PDIA6: variants seen among roughly 807,000 people sequenced by gnomAD.
The protein encoded by PDIA6 is protein disulfide isomerase family A member 6.
A neutral mutation model predicts 58.4 loss-of-function variants in PDIA6; 29 were observed. The ratio of observed to expected loss-of-function variants is 0.50; its 90% CI spans 0.37 to 0.68. The LOEUF (loss-of-function observed/expected upper bound fraction) is 0.68, where lower values mean the gene tolerates loss of function less well. Ranked by LOEUF, PDIA6 falls within the 30% of genes least tolerant of loss-of-function variation. The pLI is 0.00. For missense variants in PDIA6, 480 were observed against 551.0 expected, an observed-to-expected ratio of 0.87 and a Z score of 1.29; for synonymous variants, 192 against 202.6, an observed-to-expected ratio of 0.95 and a Z score of 0.44.
At chr2:10,831,741 A>G (rs1026656355) in intron 1 of PDIA6, among the ~76,000 whole-genome samples, 1 of 152,214 alleles carries the variant, frequency 6.6e-6, no homozygotes, top group South Asian at 2.1e-4. Flanking sequence ...GACAGATTCT[A>G]GGGCCTGACA....
At chr2:10,817,593 A>G (rs1049178353), upstream of PDIA6, among the ~76,000 whole-genome samples, 2 of 152,250 alleles carry the variant, frequency 1.3e-5, no homozygotes, top group African/African-American at 4.8e-5. Flanking sequence ...TGGGCGCCCA[A>G]GGCCTTGCCA....
intron 1 of PDIA6, among the ~76,000 whole-genome samples, chr2:10,812,228 AAGT>A (rs1387642477): frequency 2.6e-5 from 4 of 152,124 alleles, no homozygotes; most frequent in Non-Finnish European, 5.9e-5. Flanking sequence ...CAGTTTTTAA[AAGT>A]AGGAGCTGCA....
chr2:10,806,457 T>TG (rs1666750881), intron 1 of PDIA6, among the ~76,000 whole-genome samples: 8 of 118,044 alleles, frequency 6.8e-5, no homozygotes, highest in Non-Finnish European at 1.6e-4. Flanking sequence ...AGCCAAAAAG[T>TG]TAAAAAAAAA....
At chr2:10,804,130 G>A (rs1197283952) in intron 1 of PDIA6, among the ~76,000 whole-genome samples, 29 of 151,652 alleles carry the variant, frequency 1.9e-4, no homozygotes, top group East Asian at 3.9e-4. Flanking sequence ...GGATGGTCTC[G>A]ATCTCCTGAC....
At chr2:10,793,539 T>C (rs1666133680) in intron 4 of PDIA6, among the ~76,000 whole-genome samples, 2 of 152,168 alleles carry the variant, frequency 1.3e-5, no homozygotes, top group South Asian at 2.1e-4. Context: ...AATTTTTGTA[T>C]TTTTAGTAGA....
chr2:10,789,022 T>C lies in PDIA6; in HGVS notation c.841-41A>G, dbSNP rs1287446317. The C allele has an allele frequency of 5.6e-6, 8 of 1,429,798 alleles. No homozygotes were observed. The African/African-American group carries it at 9.8e-5, about 18-fold the overall frequency. 88.6% of individuals were successfully genotyped at this position (1,429,798 alleles called of 1,614,324 possible). A position where few individuals can be genotyped will look rare whatever the true frequency, so the allele number is the denominator to read the frequency against. ...GACAAGGGACAATCAGGAGGCTGCA[T>C]GATACAACACCTAAAGGTAAGCTGG... On this transcript the variant is annotated intron_variant, in intron 8 of 12. Coordinates refer to ENST00000272227, the MANE Select transcript of PDIA6 (RefSeq NM_005742.4).
intron 2 of PDIA6, among the ~76,000 whole-genome samples, chr2:10,798,093 C>A (rs974157664): frequency 2.0e-5 from 3 of 151,130 alleles, no homozygotes; most frequent in Admixed American, 2.0e-4. Flanking sequence ...GGCTGAGGCA[C>A]AAGAATCACG....
At chr2:10,806,628 C>CAAAGAG (rs142782761) in intron 1 of PDIA6, among the ~76,000 whole-genome samples, 2 of 70,424 alleles carry the variant, frequency 2.8e-5, no homozygotes, top group Non-Finnish European at 7.9e-5. Flanking sequence ...AAAATAAAGA[C>CAAAGAG]AGAAAGAAAG....
chr2:10,819,618 G>A (rs1174731128), intron 1 of PDIA6, among the ~76,000 whole-genome samples: 1 of 152,182 alleles, frequency 6.6e-6, no homozygotes, highest in Non-Finnish European at 1.5e-5. Flanking sequence ...ACACTGAGAA[G>A]CTGCCTTGAT....
At chr2:10,837,335 C>A (rs1024665547), upstream of PDIA6, among the ~76,000 whole-genome samples, 4 of 152,186 alleles carry the variant, frequency 2.6e-5, no homozygotes, top group African/African-American at 7.2e-5. Context: ...CGAAACACAG[C>A]ATTTAGTTCC....
chr2:10,788,578 A>AAC (rs1272414471), intron 10 of PDIA6, 119 bp downstream of exon 10: 8 of 731,984 alleles, frequency 1.1e-5, no homozygotes, highest in Middle Eastern at 5.3e-4. Context: ...GAAAAAAAAA[A>AAC]AAAACATATA....
At chr2:10,810,263 A>G in intron 1 of PDIA6, 1 of 1,521,366 alleles carries the variant, frequency 6.6e-7, no homozygotes. Flanking sequence ...ATAATTAGAT[A>G]GACCCAAATT....
At chr2:10,806,260 C>T (rs1444755289) in intron 1 of PDIA6, among the ~76,000 whole-genome samples, 6 of 149,886 alleles carry the variant, frequency 4.0e-5, no homozygotes, top group East Asian at 2.0e-4. Context: ...CCTAGCTACT[C>T]GAGAGGCTGA....
At position 10,802,656 on chromosome 2, in the gene PDIA6, A is replaced by G; in HGVS notation, c.20-16T>C. On this transcript the variant is annotated splice_polypyrimidine_tract_variant and intron_variant, in intron 1 of 12. Transcript: ENST00000272227. The stretch of plus-strand genomic sequence containing the variant: ...CTCACCAGACCTGAAGATAAAAACA[A>G]AAGTGCACCATTAACAGCACTGTTC... 7.1e-7 allele frequency: 1 copy of G among 1,418,074 alleles called. No individual in the cohort carries two copies. Among genetic ancestry groups the G allele is most frequent in the Non-Finnish European group, 9.2e-7 (1 of 1,082,852 alleles). 87.8% of individuals were successfully genotyped at this position (1,418,074 alleles called of 1,614,324 possible). A position where few individuals can be genotyped will look rare whatever the true frequency, so the allele number is the denominator to read the frequency against.
chr2:10,800,302 G>A (rs923326552), intron 2 of PDIA6, among the ~76,000 whole-genome samples: 1 of 152,150 alleles, frequency 6.6e-6, no homozygotes, highest in Non-Finnish European at 1.5e-5. Context: ...GACACTCACA[G>A]GAAACAGTCA....
At chr2:10,827,404 A>T (rs1488669485) in intron 1 of PDIA6, among the ~76,000 whole-genome samples, 3 of 152,154 alleles carry the variant, frequency 2.0e-5, no homozygotes, top group African/African-American at 4.8e-5. Flanking sequence ...CTTCACTAGG[A>T]TGAAGCCTCC....
upstream of PDIA6, among the ~76,000 whole-genome samples, chr2:10,833,906 C>T (rs573715673): frequency 7.2e-5 from 11 of 152,346 alleles, no homozygotes; most frequent in South Asian, 2.1e-4. Flanking sequence ...AAGCCCCAGA[C>T]GCTTGTTTAG....
At chr2:10,784,599 A>G in intron 12 of PDIA6, 1 of 521,328 alleles carries the variant, frequency 1.9e-6, no homozygotes, top group Non-Finnish European at 3.4e-6. Flanking sequence ...ACACAACAGT[A>G]CAGAAATAAG....
chr2:10,812,779 A>G lies in PDIA6; in HGVS notation c.-83T>C. 3.0e-6 allele frequency: 4 copies of G among 1,319,686 alleles called. No individual in the cohort carries two copies. Among genetic ancestry groups the G allele is most frequent in the Admixed American group, 3.8e-5 (1 of 26,080 alleles). The allele number at this position is 1,319,686 out of a possible 1,614,324, so 81.7% of individuals were successfully genotyped here. A position where few individuals can be genotyped will look rare whatever the true frequency, so the allele number is the denominator to read the frequency against. On this transcript the variant is annotated 5_prime_UTR_variant, in exon 1 of 13. Transcript: ENST00000272227. Reference sequence around the variant, plus strand: ...TGCCGCACGCCGCGCCCCCGCGCCCACGTCCCGCCCCAGGCCAGTCCGGTG... The same window carrying G: ...TGCCGCACGCCGCGCCCCCGCGCCCGCGTCCCGCCCCAGGCCAGTCCGGTG...
Sources: gnomAD v4.1 joint callset for allele counts (sites outside exome capture counted in the v4.1 genomes callset) on GRCh38, gnomAD v4.1.1 for gene constraint, MANE v1.5 for transcripts, NCBI Gene and HGNC (gene_info 2026-07-23, HGNC 2026-07-21) for gene names.